Variants in SLC7A1 observed in about 807,000 individuals in gnomAD.
SLC7A1 encodes high affinity cationic amino acid transporter 1.
A neutral mutation model predicts 53.9 loss-of-function variants in SLC7A1; 10 were observed. That is an observed-to-expected ratio of 0.19 (90% confidence interval 0.11 to 0.31). The LOEUF (loss-of-function observed/expected upper bound fraction) is 0.31, where lower values mean the gene tolerates loss of function less well. SLC7A1 is among the 10% of genes least tolerant of loss of function. SLC7A1 has a pLI of 1.00. For missense variants in SLC7A1, 525 were observed against 827.2 expected (o/e 0.63, Z 4.48); for synonymous variants, 342 against 338.7 (o/e 1.01, Z -0.11).
At chr13:29,523,108 C>A (rs1481617115) in intron 7 of SLC7A1, among the ~76,000 whole-genome samples, 158 bp downstream of exon 7, 1 of 152,152 alleles carries the variant, frequency 6.6e-6, no homozygotes, top group Non-Finnish European at 1.5e-5. Flanking sequence ...AAGGGAAAAG[C>A]CACATGATCA....
chr13:29,521,662 G>A (rs140244299), intron 8 of SLC7A1, among the ~76,000 whole-genome samples: 76 of 152,284 alleles, frequency 5.0e-4, no homozygotes, highest in African/African-American at 1.7e-3. Context: ...GTGTGCACAC[G>A]AGCTTCCTTG....
At chr13:29,538,415 T>C (rs1194715159) in intron 2 of SLC7A1, among the ~76,000 whole-genome samples, 3 of 152,162 alleles carry the variant, frequency 2.0e-5, no homozygotes, top group Non-Finnish European at 2.9e-5. Flanking sequence ...GAGAGATGGA[T>C]GGCTTCCCAG....
chr13:29,590,145 C>T (rs8002439), intron 1 of SLC7A1, among the ~76,000 whole-genome samples: 18,018 of 152,156 alleles, frequency 0.12, 1,554 homozygotes, highest in African/African-American at 0.24. Context: ...CCCCTGCCTT[C>T]TCACTGCTGC....
rs574126039 is a variant in SLC7A1, at chr13:29,522,375, G to A, written c.1131C>T (p.Asn377=). ...EDGLLFKFLA[N]VNDRTKTPII... Reference sequence around the variant, plus strand: ...TTGGTGTTTTGGTCCTATCATTGACGTTGGCTAAGAATTTAAATAGCAGTC... The same window carrying A: ...TTGGTGTTTTGGTCCTATCATTGACATTGGCTAAGAATTTAAATAGCAGTC... Residue 377 remains asparagine (N), a synonymous_variant, in exon 8 of 13, where the codon AAC becomes AAT. Coordinates refer to ENST00000380752, the MANE Select transcript of SLC7A1 (RefSeq NM_003045.5). 207 of 1,614,120 alleles carry A rather than the reference G, an allele frequency of 1.3e-4. No homozygotes were observed. In the Middle Eastern group the frequency reaches 4.8e-3, roughly 37 times the overall value.
At chr13:29,529,557 G>C (rs1229619518) in intron 5 of SLC7A1, among the ~76,000 whole-genome samples, 1 of 152,182 alleles carries the variant, frequency 6.6e-6, no homozygotes, top group African/African-American at 2.4e-5. Context: ...AGCCAGCTCT[G>C]ACCAGGCAGA....
intron 1 of SLC7A1, among the ~76,000 whole-genome samples, chr13:29,593,997 C>G (rs945824993): frequency 1.3e-5 from 2 of 152,170 alleles, no homozygotes; most frequent in Non-Finnish European, 2.9e-5. Flanking sequence ...CCCTAAGTTT[C>G]TATTCTGTTC....
rs767019167 is a variant in SLC7A1, at chr13:29,512,417, T to C, written c.*2063A>G. 1 of 152,146 alleles carries C rather than the reference T, an allele frequency of 6.6e-6. No individual in the cohort carries two copies. The highest frequency in any genetic ancestry group is 2.4e-5 in the African/African-American group (1 of 41,428). 9.4% of individuals were successfully genotyped at this position (152,146 alleles called of 1,614,324 possible). ...CAAATGTCAACTCTAAATAGTCTATTGGGTGCTGTCTTGCACGGAAATCTC... is the reference window on the plus strand; with the variant it reads ...CAAATGTCAACTCTAAATAGTCTATCGGGTGCTGTCTTGCACGGAAATCTC... On this transcript the variant is annotated 3_prime_UTR_variant, in exon 13 of 13. Transcript: ENST00000380752.
At chr13:29,527,159 G>A (rs1868936347) in intron 5 of SLC7A1, among the ~76,000 whole-genome samples, 1 of 151,876 alleles carries the variant, frequency 6.6e-6, no homozygotes, top group African/African-American at 2.4e-5. Context: ...CGCGTTTTGT[G>A]TAAGAAAACA....
At chr13:29,566,051 T>C (rs1870955327) in intron 1 of SLC7A1, among the ~76,000 whole-genome samples, 1 of 152,184 alleles carries the variant, frequency 6.6e-6, no homozygotes, top group Non-Finnish European at 1.5e-5. Context: ...GTGGACTGTT[T>C]CGCCAAAACC....
intron 1 of SLC7A1, among the ~76,000 whole-genome samples, chr13:29,579,596 C>G (rs1871557352): frequency 6.6e-6 from 1 of 152,126 alleles, no homozygotes; most frequent in Non-Finnish European, 1.5e-5. Context: ...CTCCTGACCT[C>G]AGGTGATCCA....
At chr13:29,582,021 T>C (rs1248159394) in intron 1 of SLC7A1, among the ~76,000 whole-genome samples, 1 of 152,234 alleles carries the variant, frequency 6.6e-6, no homozygotes, top group Non-Finnish European at 1.5e-5. Context: ...TATTGCCCTC[T>C]CGTGCTAAGC....
Position 29,567,792 on chromosome 13 carries a change from A to T in SLC7A1, c.-114-13932T>A, listed in dbSNP as rs1756438. On this transcript the variant is annotated intron_variant, in intron 1 of 12. Transcript: ENST00000380752. Reference sequence around the variant, plus strand: ...CTCAGGCTCAAGGAGACTGACAGCCAGTAATTACCAAAGGGAATTAAGCAA... The same window carrying T: ...CTCAGGCTCAAGGAGACTGACAGCCTGTAATTACCAAAGGGAATTAAGCAA... 3.4e-3 allele frequency among the ~76,000 whole-genome samples: 522 copies of T among 152,120 alleles called. 4 individuals are homozygous for T. The highest frequency in any genetic ancestry group is 0.012 in the African/African-American group (489 of 41,484).
chr13:29,595,113 G>A (rs573796049), intron 1 of SLC7A1, among the ~76,000 whole-genome samples: 1 of 151,820 alleles, frequency 6.6e-6, no homozygotes, highest in African/African-American at 2.4e-5. Flanking sequence ...CGCGCGGAGC[G>A]GGCATCGCCA....
intron 1 of SLC7A1, among the ~76,000 whole-genome samples, chr13:29,592,598 G>A (rs1015398907): frequency 6.6e-6 from 1 of 152,218 alleles, no homozygotes; most frequent in Non-Finnish European, 1.5e-5. Context: ...TGAACCACAG[G>A]GGTGGTTATT....
At chr13:29,547,810 G>A (rs1869988706) in intron 2 of SLC7A1, among the ~76,000 whole-genome samples, 1 of 152,206 alleles carries the variant, frequency 6.6e-6, no homozygotes, top group Non-Finnish European at 1.5e-5. Context: ...TTTCTCATTT[G>A]TGCATGTTTG....
In SLC7A1 at chr13:29,565,727, G is replaced by A. The variant is rs137967773; in HGVS notation, c.-114-11867C>T. 2.8e-3 allele frequency among the ~76,000 whole-genome samples: 422 copies of A among 152,278 alleles called. 1 individual carries two copies. Among genetic ancestry groups the A allele is most frequent in the African/African-American group, 9.7e-3 (402 of 41,548 alleles). On this transcript the variant is annotated intron_variant, in intron 1 of 12. Coordinates refer to ENST00000380752, the MANE Select transcript of SLC7A1 (RefSeq NM_003045.5). ...CTACTTATGCCCTGGAGAAAAGCCC[G>A]GGAAAGACAGTGTCCCTCAAACATG...
At chr13:29,549,477 C>T (rs181613170) in intron 2 of SLC7A1, among the ~76,000 whole-genome samples, 172 of 152,316 alleles carry the variant, frequency 1.1e-3, no homozygotes, top group Non-Finnish European at 1.8e-3. Context: ...ATACCATGAC[C>T]ACACACTGTC....
intron 1 of SLC7A1, among the ~76,000 whole-genome samples, chr13:29,580,655 G>C (rs1413794708): frequency 6.6e-6 from 1 of 152,222 alleles, no homozygotes; most frequent in South Asian, 2.1e-4. Context: ...CTATAAAGCA[G>C]AGAGACTATT....
At chr13:29,531,179 T>G (rs1424353356) in intron 4 of SLC7A1, among the ~76,000 whole-genome samples, 1 of 152,218 alleles carries the variant, frequency 6.6e-6, no homozygotes, top group African/African-American at 2.4e-5. Context: ...ATTATTCTGG[T>G]TGACTTTGGG....
Sources: allele counts gnomAD v4.1 joint callset (sites outside exome capture counted in the v4.1 genomes callset), GRCh38; gene constraint gnomAD v4.1.1; transcripts MANE v1.5; gene names NCBI Gene and HGNC (gene_info 2026-07-23, HGNC 2026-07-21).